SOS1: variants seen among roughly 807,000 people sequenced by gnomAD.
SOS1 encodes SOS Ras/Rac guanine nucleotide exchange factor 1.
In SOS1, 25 loss-of-function variants were observed where a neutral mutation model predicts 157.6. The observed-to-expected ratio is 0.16, with a 90% CI of 0.12 to 0.22. The LOEUF (loss-of-function observed/expected upper bound fraction) is 0.22, where lower values mean the gene tolerates loss of function less well. Among genes scored for constraint, SOS1 ranks in the 10% least tolerant of loss-of-function variants. The pLI is 1.00. For synonymous variants in SOS1, 528 were observed against 534.0 expected (o/e 0.99, Z 0.16); for missense variants, 1,237 against 1,599.1 (o/e 0.77, Z 3.86).
chr2:38,986,357 T>C lies in SOS1; in HGVS notation c.3511-42A>G, dbSNP rs756852456. 16 of 1,529,396 alleles carry C rather than the reference T, an allele frequency of 1.0e-5. No homozygotes were observed. The African/African-American group carries it at 1.7e-4, about 16-fold the overall frequency. The allele number at this position is 1,529,396 out of a possible 1,614,324, so 94.7% of individuals were successfully genotyped here. A position where few individuals can be genotyped will look rare whatever the true frequency, so the allele number is the denominator to read the frequency against. On this transcript the variant is annotated intron_variant, in intron 22 of 22. Transcript: ENST00000402219. Reference sequence around the variant, plus strand: ...ATAAAATACACATTTATTAATAAATTTATGAAGTATCATGACTATAAGAAT... The same window carrying C: ...ATAAAATACACATTTATTAATAAATCTATGAAGTATCATGACTATAAGAAT...
At chr2:39,121,860 T>C (rs1170594671), upstream of SOS1, among the ~76,000 whole-genome samples, 3 of 152,252 alleles carry the variant, frequency 2.0e-5, no homozygotes, top group South Asian at 2.1e-4. Flanking sequence ...TTGTTTATAA[T>C]AGGGGCACTT....
At chr2:39,115,250 C>T (rs1008881127) in intron 1 of SOS1, among the ~76,000 whole-genome samples, 6 of 152,078 alleles carry the variant, frequency 3.9e-5, no homozygotes, top group Non-Finnish European at 8.8e-5. Context: ...AAGCCTCTCC[C>T]TAAACAACCA....
At position 39,066,217 on chromosome 2, in the gene SOS1, T is replaced by C. The variant is rs143624484; in HGVS notation, c.213+1411A>G. Among the ~76,000 whole-genome samples, 252 of 152,260 alleles carry C rather than the reference T, an allele frequency of 1.7e-3. 2 individuals are homozygous for C. The highest frequency in any genetic ancestry group is 5.4e-3 in the African/African-American group (226 of 41,536). The stretch of plus-strand genomic sequence containing the variant: ...CTATGTGTGTTGTGTCCTGAAAAGG[T>C]TGCAAAGCACTGCCATTACCAGTTT... On this transcript the variant is annotated intron_variant, in intron 2 of 22. Coordinates refer to ENST00000402219, the MANE Select transcript of SOS1 (RefSeq NM_005633.4).
intron 15 of SOS1, chr2:39,007,492 AGGTCTTTGT>A (rs1441120304): frequency 6.2e-6 from 2 of 322,446 alleles, no homozygotes; most frequent in African/African-American, 2.1e-5. Flanking sequence ...GAATGTATGG[AGGTCTTTGT>A]GAGGTCTTTG....
At chr2:39,027,490 C>T (rs1670002752) in intron 8 of SOS1, among the ~76,000 whole-genome samples, 1 of 152,138 alleles carries the variant, frequency 6.6e-6, no homozygotes, top group African/African-American at 2.4e-5. Context: ...TTTCTTCTAC[C>T]ACTTTTTGCT....
intron 1 of SOS1, among the ~76,000 whole-genome samples, chr2:39,097,567 T>C (rs1672816707): frequency 1.3e-5 from 2 of 151,968 alleles, no homozygotes; most frequent in Non-Finnish European, 2.9e-5. Flanking sequence ...TTCTTTTTTT[T>C]TTTTTATTGA....
intron 17 of SOS1, among the ~76,000 whole-genome samples, chr2:39,001,530 TA>T (rs1351293224): frequency 6.6e-6 from 1 of 152,216 alleles, no homozygotes; most frequent in Non-Finnish European, 1.5e-5. Flanking sequence ...AAGATGGGAC[TA>T]ACGCTGGTAA....
At chr2:38,987,751 A>G in intron 21 of SOS1, 160 bp from the exon 22 acceptor site, 1 of 600,688 alleles carries the variant, frequency 1.7e-6, no homozygotes, top group Non-Finnish European at 3.0e-6. Flanking sequence ...TCATTAAAGC[A>G]AACTGCCATA....
At chr2:39,106,087 G>A (rs1279864466) in intron 1 of SOS1, among the ~76,000 whole-genome samples, 1 of 151,824 alleles carries the variant, frequency 6.6e-6, no homozygotes, top group Non-Finnish European at 1.5e-5. Context: ...GCGCATGGTG[G>A]TACGTGCCTG....
intron 4 of SOS1, among the ~76,000 whole-genome samples, chr2:39,055,235 G>C (rs1411046380): frequency 3.9e-5 from 6 of 152,138 alleles, no homozygotes; most frequent in Non-Finnish European, 8.8e-5. Context: ...ACATTTGTTG[G>C]GAATAGGTCA....
intron 1 of SOS1, among the ~76,000 whole-genome samples, chr2:39,097,568 T>C (rs1349569939): frequency 6.6e-6 from 1 of 151,966 alleles, no homozygotes; most frequent in Non-Finnish European, 1.5e-5. Flanking sequence ...TCTTTTTTTT[T>C]TTTTATTGAG....
chr2:39,075,849 G>A (rs958551523), intron 1 of SOS1, among the ~76,000 whole-genome samples: 4 of 151,846 alleles, frequency 2.6e-5, no homozygotes, highest in African/African-American at 9.7e-5. Context: ...TGAACATTTA[G>A]GTAAAGTGAA....
intron 1 of SOS1, among the ~76,000 whole-genome samples, chr2:39,116,743 C>A (rs1673663960): frequency 6.6e-6 from 1 of 152,118 alleles, no homozygotes; most frequent in Non-Finnish European, 1.5e-5. Flanking sequence ...CCTACAGTCT[C>A]AGGAGGCTGA....
intron 1 of SOS1, among the ~76,000 whole-genome samples, chr2:39,118,861 T>A (rs187361631): frequency 6.6e-6 from 1 of 152,352 alleles, no homozygotes; most frequent in East Asian, 1.9e-4. Flanking sequence ...GTGGCAGAAT[T>A]AAACAACGTC....
At chr2:39,071,903 A>G (rs1229669324) in intron 1 of SOS1, among the ~76,000 whole-genome samples, 2 of 118,190 alleles carry the variant, frequency 1.7e-5, no homozygotes, top group African/African-American at 6.3e-5. Flanking sequence ...TTATCTGCCT[A>G]TTTGGCTTTT....
chr2:39,069,694 C>A (rs556257872), intron 1 of SOS1, among the ~76,000 whole-genome samples: 11 of 152,074 alleles, frequency 7.2e-5, no homozygotes, highest in African/African-American at 2.6e-4. Flanking sequence ...ATTACAGGCA[C>A]CTGCCACCAC....
intron 1 of SOS1, among the ~76,000 whole-genome samples, chr2:39,094,317 C>T (rs926119773): frequency 1.6e-4 from 24 of 151,900 alleles, no homozygotes; most frequent in African/African-American, 5.3e-4. Context: ...ATAATGCATA[C>T]AAACAGTACT....
Position 38,983,554 on chromosome 2 carries a change from A to G in SOS1, c.*2270T>C, listed in dbSNP as rs1416497113. On this transcript the variant is annotated 3_prime_UTR_variant, in exon 23 of 23. Transcript: ENST00000402219. ...TGAATTTTTCCTCTTTATAGACTAG[A>G]TAGGTTGAAAAGGGGTTATCACCTT... The G allele has an allele frequency of 3.1e-5, 4 of 127,478 alleles. No homozygotes were observed. Among genetic ancestry groups the G allele is most frequent in the Non-Finnish European group, 7.0e-5 (4 of 56,882 alleles). The allele number at this position is 127,478 out of a possible 1,614,324, so 7.9% of individuals were successfully genotyped here.
At chr2:39,070,843 AT>A (rs1406969980) in intron 1 of SOS1, among the ~76,000 whole-genome samples, 2 of 152,160 alleles carry the variant, frequency 1.3e-5, no homozygotes, top group Non-Finnish European at 2.9e-5. Context: ...TTTAGAAGTC[AT>A]TTAACTAAGT....
Sources: gnomAD v4.1 joint callset for allele counts (sites outside exome capture counted in the v4.1 genomes callset) on GRCh38, gnomAD v4.1.1 for gene constraint, MANE v1.5 for transcripts, NCBI Gene and HGNC (gene_info 2026-07-23, HGNC 2026-07-21) for gene names.